The following C19orf38 variants were observed in gnomAD, a reference collection of about 807,000 sequenced individuals.
C19orf38 encodes the protein chromosome 19 open reading frame 38, also known as protein HIDE1.
In C19orf38, 14 loss-of-function variants were observed where a neutral mutation model predicts 26.6. That is an observed-to-expected ratio of 0.53 (90% CI 0.35 to 0.82). The LOEUF (loss-of-function observed/expected upper bound fraction) is 0.82. C19orf38 is among the 40% of genes least tolerant of loss of function. The probability of loss-of-function intolerance (pLI) is 0.01; values close to 1 mark genes in which losing one functional copy is unlikely to be tolerated. For synonymous variants in C19orf38, 132 were observed against 128.5 expected (o/e 1.03, Z -0.18); for missense variants, 261 against 299.5 (o/e 0.87, Z 0.95).
intron 3 of C19orf38, among the ~76,000 whole-genome samples, chr19:10,857,366 A>ATATATATATTTT (rs1433358051): frequency 7.1e-4 from 40 of 56,074 alleles, no homozygotes; most frequent in African/African-American, 2.6e-3. Context: ...ATATATATAT[A>ATATATATATTTT]TTTTTTTTTT....
At chr19:10,857,890 C>CA (rs751472962) in intron 3 of C19orf38, among the ~76,000 whole-genome samples, 1 of 89,202 alleles carries the variant, frequency 1.1e-5, no homozygotes. Context: ...CAAAAAACAA[C>CA]AAAAAAAGAA....
At chr19:10,838,092 C>T (rs2073450490) in intron 1 of C19orf38, among the ~76,000 whole-genome samples, 2 of 152,120 alleles carry the variant, frequency 1.3e-5, no homozygotes, top group Admixed American at 6.6e-5. Context: ...TTTTTAAATA[C>T]AGTAAAATTC....
At chr19:10,846,008 G>A (rs2073513092), upstream of C19orf38, among the ~76,000 whole-genome samples, 1 of 150,768 alleles carries the variant, frequency 6.6e-6, no homozygotes. Flanking sequence ...ATAGGACCCT[G>A]TCTCTACAAT....
At chr19:10,850,869 C>T (rs1303044227) in intron 2 of C19orf38, among the ~76,000 whole-genome samples, 1 of 152,080 alleles carries the variant, frequency 6.6e-6, no homozygotes, top group Non-Finnish European at 1.5e-5. Context: ...TCAGGCAGCC[C>T]GTCTCCCTCT....
intron 6 of C19orf38, among the ~76,000 whole-genome samples, chr19:10,868,029 T>C (rs930459643): frequency 2.0e-5 from 3 of 152,202 alleles, no homozygotes; most frequent in African/African-American, 7.2e-5. Flanking sequence ...CAATTGTTGA[T>C]GGACACTTGG....
intron 6 of C19orf38, 115 bp from the exon 7 acceptor site, chr19:10,869,103 C>A: frequency 7.5e-7 from 1 of 1,332,758 alleles, no homozygotes; most frequent in Non-Finnish European, 1.0e-6. Flanking sequence ...TGGGTGGGGG[C>A]GGGATGAGAG....
intron 2 of C19orf38, among the ~76,000 whole-genome samples, chr19:10,854,793 G>A (rs1462979488): frequency 6.6e-6 from 1 of 152,080 alleles, no homozygotes; most frequent in Non-Finnish European, 1.5e-5. Flanking sequence ...TCTGGCCACT[G>A]GCACCCAGAC....
intron 4 of C19orf38, among the ~76,000 whole-genome samples, chr19:10,859,369 TA>T (rs1568337610): frequency 4.7e-4 from 29 of 61,252 alleles, no homozygotes; most frequent in Non-Finnish European, 6.4e-4. Flanking sequence ...TATATATATA[TA>T]TATATATATA....
At chr19:10,856,023 C>T (rs1184221392) in intron 2 of C19orf38, among the ~76,000 whole-genome samples, 2 of 152,144 alleles carry the variant, frequency 1.3e-5, no homozygotes, top group African/African-American at 2.4e-5. Flanking sequence ...CCAGTGGTAC[C>T]ACCAAAGTCC....
intron 4 of C19orf38, among the ~76,000 whole-genome samples, chr19:10,858,972 T>C (rs1478770659): frequency 6.6e-6 from 1 of 151,120 alleles, no homozygotes; most frequent in Non-Finnish European, 1.5e-5. Context: ...GTTTCACTCT[T>C]GTTGCCCAGG....
chr19:10,868,181 A>T (rs1286893257), intron 6 of C19orf38, among the ~76,000 whole-genome samples: 1 of 152,240 alleles, frequency 6.6e-6, no homozygotes, highest in Admixed American at 6.5e-5. Flanking sequence ...GTAAGGCAGC[A>T]GCTGACCTGT....
chr19:10,858,417 C>G, intron 4 of C19orf38, 74 bp downstream of exon 4: 2 of 1,375,180 alleles, frequency 1.5e-6, no homozygotes, highest in Non-Finnish European at 2.0e-6. Flanking sequence ...GGTGGGCACT[C>G]CATGCCCCCC....
At chr19:10,844,078 C>T (rs1397718335), upstream of C19orf38, among the ~76,000 whole-genome samples, 1 of 151,256 alleles carries the variant, frequency 6.6e-6, no homozygotes, top group African/African-American at 2.4e-5. Flanking sequence ...TGCGCCACTG[C>T]ACTCCAGCCG....
Position 10,869,462 on chromosome 19 carries a change from G to A in C19orf38, c.*95G>A. The A allele has an allele frequency of 2.1e-6, 3 of 1,415,768 alleles. No individual in the cohort carries two copies. Among genetic ancestry groups the A allele is most frequent in the Non-Finnish European group, 2.8e-6 (3 of 1,071,646 alleles). The allele number at this position is 1,415,768 out of a possible 1,614,324, so 87.7% of individuals were successfully genotyped here. A position where few individuals can be genotyped will look rare whatever the true frequency, so the allele number is the denominator to read the frequency against. On this transcript the variant is annotated 3_prime_UTR_variant, in exon 7 of 7. Transcript: ENST00000397820. ...GGGGGCTCTGTCAGCCACTTTCTCA[G>A]GGAATTGGACAGAGGAAAGGAAGGG... is the stretch of plus-strand genomic sequence containing the variant.
In C19orf38 at chr19:10,848,478, A is replaced by G. The variant is rs1457261975; in HGVS notation, c.-31A>G. ...GGGAGCCTTGGGCCCCTCTGGCCTC[A>G]GCCGGATTTCCCAGCCAAACGCAGA... On this transcript the variant is annotated 5_prime_UTR_variant, in exon 1 of 7. Transcript: ENST00000397820. 1 of 1,551,474 alleles carries G rather than the reference A, an allele frequency of 6.4e-7. No individual in the cohort carries two copies.
chr19:10,869,360 G>C lies in C19orf38; in HGVS notation c.686G>C (p.Cys229Ser). Residue 229 changes from cysteine (C) to serine (S), a missense_variant, in exon 7 of 7, where the codon TGC (cysteine) becomes TCC (serine). Cys to Ser is a moderately radical substitution (Grantham distance 112). Transcript: ENST00000397820. ...ETPEFSTFRA[C>S]Q ...CCCGAATTCAGCACTTTCCGGGCCT[G>C]CCAGTGAGGCTGAGGACTGGGGGAC... 6.5e-7 allele frequency: 1 copy of C among 1,549,880 alleles called. No individual in the cohort carries two copies. The highest frequency in any genetic ancestry group is 8.7e-7 in the Non-Finnish European group (1 of 1,146,250).
chr19:10,844,474 G>A (rs147407606), upstream of C19orf38, among the ~76,000 whole-genome samples: 730 of 151,344 alleles, frequency 4.8e-3, 8 homozygotes, highest in African/African-American at 0.016. Flanking sequence ...ACTTTGGGAG[G>A]CCAAGGTGGG....
At chr19:10,859,386 T>A (rs1010556480) in intron 4 of C19orf38, among the ~76,000 whole-genome samples, 1,323 of 28,696 alleles carry the variant, frequency 0.046, 2 homozygotes, top group East Asian at 0.12. Context: ...ATATATATAT[T>A]TTTTTTTTTT....
upstream of C19orf38, among the ~76,000 whole-genome samples, chr19:10,845,032 C>T (rs1290214287): frequency 6.7e-6 from 1 of 149,988 alleles, no homozygotes; most frequent in Non-Finnish European, 1.5e-5. Flanking sequence ...CCGTGCATGC[C>T]TGTGGTCCCA....
Sources: allele counts gnomAD v4.1 joint callset (sites outside exome capture counted in the v4.1 genomes callset), GRCh38; gene constraint gnomAD v4.1.1; transcripts MANE v1.5; gene names NCBI Gene and HGNC (gene_info 2026-07-23, HGNC 2026-07-21).